CHCHD3: variants seen among roughly 807,000 people sequenced by gnomAD.
CHCHD3 encodes the protein coiled-coil-helix-coiled-coil-helix domain containing 3.
A neutral mutation model predicts 38.2 loss-of-function variants in CHCHD3; 20 were observed. That is an observed-to-expected ratio of 0.52 (90% CI 0.37 to 0.76). The LOEUF is 0.76. Ranked by LOEUF, CHCHD3 falls within the 30% of genes least tolerant of loss-of-function variation. The probability of loss-of-function intolerance (pLI) is 0.00; values close to 1 mark genes in which losing one functional copy is unlikely to be tolerated. For missense variants in CHCHD3, 245 were observed against 279.2 expected (o/e 0.88, Z 0.87); for synonymous variants, 82 against 100.0 (o/e 0.82, Z 1.07).
At chr7:132,795,018 T>G (rs1167579360) in intron 7 of CHCHD3, among the ~76,000 whole-genome samples, 2 of 152,224 alleles carry the variant, frequency 1.3e-5, no homozygotes, top group Non-Finnish European at 2.9e-5. Flanking sequence ...TATATGTAGA[T>G]AATTCAACAC....
intron 4 of CHCHD3, among the ~76,000 whole-genome samples, chr7:132,957,005 C>T: frequency 6.6e-6 from 1 of 152,204 alleles, no homozygotes; most frequent in East Asian, 1.9e-4. Flanking sequence ...AGCTTCCCCA[C>T]CCTCAGTGTA....
chr7:132,860,977 G>A (rs1191086366), intron 5 of CHCHD3, among the ~76,000 whole-genome samples: 1 of 152,148 alleles, frequency 6.6e-6, no homozygotes, highest in Non-Finnish European at 1.5e-5. Flanking sequence ...AGACAGTGGT[G>A]GAGGGAACAG....
At chr7:132,810,198 T>C (rs920361213) in intron 6 of CHCHD3, among the ~76,000 whole-genome samples, 11 of 152,218 alleles carry the variant, frequency 7.2e-5, no homozygotes, top group Non-Finnish European at 1.2e-4. Flanking sequence ...TAGTTGCTAA[T>C]ATTTTCCTAC....
intron 4 of CHCHD3, among the ~76,000 whole-genome samples, chr7:132,901,743 A>C (rs1173591881): frequency 6.6e-6 from 1 of 152,078 alleles, no homozygotes; most frequent in Non-Finnish European, 1.5e-5. Flanking sequence ...AGATTGCAAA[A>C]ATTTTCTCCC....
intron 6 of CHCHD3, among the ~76,000 whole-genome samples, chr7:132,809,081 C>G (rs1028366272): frequency 2.0e-5 from 3 of 151,750 alleles, no homozygotes; most frequent in African/African-American, 7.3e-5. Flanking sequence ...TCCTGAGTAG[C>G]TGGGACTACA....
chr7:132,820,944 G>A (rs535047947), intron 6 of CHCHD3, among the ~76,000 whole-genome samples: 49 of 152,202 alleles, frequency 3.2e-4, no homozygotes, highest in Middle Eastern at 3.4e-3. Context: ...ATACCATTGC[G>A]TATGTATGTC....
At chr7:132,872,524 C>G (rs1808790669) in intron 5 of CHCHD3, among the ~76,000 whole-genome samples, 1 of 152,226 alleles carries the variant, frequency 6.6e-6, no homozygotes, top group Non-Finnish European at 1.5e-5. Flanking sequence ...AGGAATAAGA[C>G]CCAGTTCACA....
chr7:133,059,921 C>T (rs910103947), intron 2 of CHCHD3, among the ~76,000 whole-genome samples: 5 of 152,114 alleles, frequency 3.3e-5, no homozygotes, highest in East Asian at 3.8e-4. Context: ...TGTGGCTGAG[C>T]GTACAGAACA....
At chr7:132,786,352 G>A (rs1056784849) in intron 7 of CHCHD3, among the ~76,000 whole-genome samples, 1 of 152,192 alleles carries the variant, frequency 6.6e-6, no homozygotes, top group African/African-American at 2.4e-5. Context: ...TCCCAGAGGG[G>A]GAGAACGCAG....
chr7:132,824,243 T>A (rs985742542), intron 6 of CHCHD3, among the ~76,000 whole-genome samples: 34 of 150,064 alleles, frequency 2.3e-4, no homozygotes, highest in Non-Finnish European at 2.5e-4. Context: ...TCAAAAGGCA[T>A]AATCCTAGTG....
intron 6 of CHCHD3, chr7:132,813,566 A>T (rs538443449): frequency 6.6e-6 from 1 of 152,338 alleles, no homozygotes; most frequent in South Asian, 2.1e-4. Context: ...GTAAGCCTGT[A>T]ATAAATGGTA....
intron 5 of CHCHD3, among the ~76,000 whole-genome samples, chr7:132,871,055 T>C (rs1465252032): frequency 6.6e-6 from 1 of 152,236 alleles, no homozygotes; most frequent in East Asian, 1.9e-4. Flanking sequence ...CTGGCAAGAC[T>C]TGAAGCACAG....
intron 4 of CHCHD3, among the ~76,000 whole-genome samples, chr7:132,910,872 G>T (rs558375890): frequency 6.6e-6 from 1 of 152,132 alleles, no homozygotes; most frequent in African/African-American, 2.4e-5. Flanking sequence ...AGCTCACTAC[G>T]TAAGCATTAC....
At chr7:133,032,649 G>A (rs1006824668) in intron 2 of CHCHD3, among the ~76,000 whole-genome samples, 3 of 152,118 alleles carry the variant, frequency 2.0e-5, no homozygotes, top group African/African-American at 4.8e-5. Context: ...TAGCCGTATA[G>A]CAAGAGATAA....
intron 4 of CHCHD3, among the ~76,000 whole-genome samples, chr7:132,934,960 T>C (rs1001632445): frequency 6.6e-6 from 1 of 152,206 alleles, no homozygotes; most frequent in Non-Finnish European, 1.5e-5. Flanking sequence ...TCAGTTTCCT[T>C]CAGTTGCCAT....
chr7:132,861,047 T>C (rs1197477825), intron 5 of CHCHD3, among the ~76,000 whole-genome samples: 1 of 152,164 alleles, frequency 6.6e-6, no homozygotes, highest in Non-Finnish European at 1.5e-5. Flanking sequence ...AGATGGAGGC[T>C]TGGTTTATGG....
intron 4 of CHCHD3, among the ~76,000 whole-genome samples, chr7:132,964,174 C>T (rs1386218204): frequency 1.3e-5 from 2 of 152,162 alleles, no homozygotes; most frequent in Non-Finnish European, 2.9e-5. Context: ...GCAGCAAGCC[C>T]ACCTCTACTC....
chr7:132,965,726 G>A (rs542076005), intron 4 of CHCHD3, among the ~76,000 whole-genome samples: 1 of 152,334 alleles, frequency 6.6e-6, no homozygotes, highest in South Asian at 2.1e-4. Flanking sequence ...AAATGTATAT[G>A]AGTAGGTTTT....
At chr7:133,043,645 CAA>C (rs765611377) in intron 2 of CHCHD3, among the ~76,000 whole-genome samples, 14 of 99,042 alleles carry the variant, frequency 1.4e-4, no homozygotes, top group Admixed American at 3.3e-4. Flanking sequence ...GACTCCATCT[CAA>C]AAAAAAAAAA....
Sources: allele counts gnomAD v4.1 joint callset (sites outside exome capture counted in the v4.1 genomes callset), GRCh38; gene constraint gnomAD v4.1.1; transcripts MANE v1.5; gene names NCBI Gene and HGNC (gene_info 2026-07-23, HGNC 2026-07-21).